Variants in HBS1L observed in about 807,000 individuals in gnomAD.
The protein encoded by HBS1L is HBS1 like translational GTPase.
Under a neutral mutation model 88.9 loss-of-function variants are expected in HBS1L, and 55 were observed. The observed-to-expected ratio is 0.62, with a 90% CI of 0.50 to 0.77. The LOEUF (loss-of-function observed/expected upper bound fraction) is 0.77, where lower values mean the gene tolerates loss of function less well. HBS1L is among the 30% of genes least tolerant of loss of function. HBS1L has a pLI of 0.00. For missense variants in HBS1L, 741 were observed against 829.3 expected, an observed-to-expected ratio of 0.89 and a Z score of 1.31; for synonymous variants, 267 against 288.5, an observed-to-expected ratio of 0.93 and a Z score of 0.76.
At chr6:135,029,825 A>G (rs1278913033) in intron 4 of HBS1L, among the ~76,000 whole-genome samples, 1 of 152,218 alleles carries the variant, frequency 6.6e-6, no homozygotes, top group Admixed American at 6.5e-5. Context: ...TGATCTGTAT[A>G]TGGCAGCAAA....
chr6:135,037,370 T>G (rs1163707994), intron 4 of HBS1L: 2 of 1,551,446 alleles, frequency 1.3e-6, no homozygotes, highest in African/African-American at 2.7e-5. Flanking sequence ...AAATTATCAT[T>G]TTTAAAAGTG....
chr6:134,978,931 A>G lies in HBS1L; in HGVS notation c.1689-144T>C, dbSNP rs138175199. On this transcript the variant is annotated intron_variant, in intron 14 of 17. Coordinates refer to ENST00000367837, the MANE Select transcript of HBS1L (RefSeq NM_006620.4). ...TAAATATTCTCTTCTGAGCTAAAGC[A>G]TGACTTTAAACCATTATTAACCTTA... The G allele has an allele frequency of 1.7e-3, 1,059 of 628,412 alleles. 5 individuals are homozygous for G. Among genetic ancestry groups the G allele is most frequent in the African/African-American group, 0.017 (916 of 54,364 alleles). The allele number at this position is 628,412 out of a possible 1,614,324, so 38.9% of individuals were successfully genotyped here.
At chr6:135,009,879 C>T (rs1460766224) in intron 4 of HBS1L, among the ~76,000 whole-genome samples, 2 of 151,990 alleles carry the variant, frequency 1.3e-5, no homozygotes, top group South Asian at 2.1e-4. Context: ...ATCCGCCCGC[C>T]TCGGCCTCCC....
chr6:135,000,836 TCA>T (rs913498349), intron 5 of HBS1L, among the ~76,000 whole-genome samples: 4 of 152,104 alleles, frequency 2.6e-5, no homozygotes, highest in Non-Finnish European at 4.4e-5. Flanking sequence ...CCACTGAGAA[TCA>T]CACTACGTAG....
intron 4 of HBS1L, among the ~76,000 whole-genome samples, chr6:135,005,448 TTATAC>T (rs1344644461): frequency 1.3e-5 from 2 of 152,262 alleles, no homozygotes; most frequent in Non-Finnish European, 2.9e-5. Flanking sequence ...ACTGGGGCTA[TTATAC>T]TACAGATGGT....
intron 8 of HBS1L, 55 bp downstream of exon 8, chr6:134,993,703 G>A: frequency 2.7e-6 from 2 of 749,870 alleles, no homozygotes. Flanking sequence ...CTCAGCATCA[G>A]AAAATTTTAT....
chr6:135,047,561 A>G (rs929652594), intron 2 of HBS1L, among the ~76,000 whole-genome samples: 2 of 152,202 alleles, frequency 1.3e-5, no homozygotes, highest in Non-Finnish European at 1.5e-5. Flanking sequence ...GGAGTCCCCA[A>G]CATTGCATTT....
At chr6:134,969,152 A>G in intron 16 of HBS1L, 86 bp downstream of exon 16, 1 of 869,176 alleles carries the variant, frequency 1.2e-6, no homozygotes, top group Admixed American at 2.0e-5. Context: ...TTCACTTACC[A>G]CAAAGAGAAA....
rs1326131182 is a variant in HBS1L, at chr6:134,965,192, A to G, written c.*87T>C. 1 of 1,073,074 alleles carries G rather than the reference A, an allele frequency of 9.3e-7. No homozygotes were observed. The highest frequency in any genetic ancestry group is 2.4e-5 in the East Asian group (1 of 42,162). The allele number at this position is 1,073,074 out of a possible 1,614,324, so 66.5% of individuals were successfully genotyped here. On this transcript the variant is annotated 3_prime_UTR_variant, in exon 18 of 18. Coordinates refer to ENST00000367837, the MANE Select transcript of HBS1L (RefSeq NM_006620.4). Reference sequence around the variant, plus strand: ...TCATCTAAAAACATATCAATTGCACATTGTTCCTTTGACTTAATAACTGCA... The same window carrying G: ...TCATCTAAAAACATATCAATTGCACGTTGTTCCTTTGACTTAATAACTGCA...
At chr6:135,015,674 C>T (rs112476323) in intron 4 of HBS1L, among the ~76,000 whole-genome samples, 5,465 of 151,232 alleles carry the variant, frequency 0.036, 339 homozygotes, top group African/African-American at 0.13. Context: ...CTCTGCCTCC[C>T]GGGTTCAAGC....
intron 2 of HBS1L, among the ~76,000 whole-genome samples, chr6:135,047,093 A>C (rs1454383161): frequency 6.6e-6 from 1 of 152,192 alleles, no homozygotes; most frequent in African/African-American, 2.4e-5. Context: ...TCAGAGTCAG[A>C]CTGTCCTGAA....
At position 134,985,527 on chromosome 6, in the gene HBS1L, A is replaced by C. The variant is rs1774955138; in HGVS notation, c.1424-118T>G. 3 of 607,118 alleles carry C rather than the reference A, an allele frequency of 4.9e-6. No individual in the cohort carries two copies. In the South Asian group the frequency reaches 7.3e-5, roughly 15 times the overall value. The allele number at this position is 607,118 out of a possible 1,614,324, so 37.6% of individuals were successfully genotyped here. On this transcript the variant is annotated intron_variant, in intron 11 of 17. Transcript: ENST00000367837. Reference sequence around the variant, plus strand: ...AAAATAACTACTTTTTATAATTACTAATAGCAACTTAACTGTCACTAATAT... The same window carrying C: ...AAAATAACTACTTTTTATAATTACTCATAGCAACTTAACTGTCACTAATAT...
intron 16 of HBS1L, 33 bp downstream of exon 16, chr6:134,969,205 G>T: frequency 7.0e-7 from 1 of 1,428,334 alleles, no homozygotes; most frequent in Non-Finnish European, 9.9e-7. Context: ...GGCTTAAATT[G>T]CTTGTTTATC....
At chr6:134,975,901 T>A (rs940382302) in intron 15 of HBS1L, among the ~76,000 whole-genome samples, 3 of 151,998 alleles carry the variant, frequency 2.0e-5, no homozygotes, top group Non-Finnish European at 4.4e-5. Context: ...GAAATAAAAA[T>A]AAATAGATAA....
At chr6:135,035,606 C>G (rs1776513577) in intron 4 of HBS1L, among the ~76,000 whole-genome samples, 1 of 151,232 alleles carries the variant, frequency 6.6e-6, no homozygotes, top group South Asian at 2.1e-4. Context: ...AAAAAATTAG[C>G]CGGGTGTGGT....
At chr6:134,997,006 C>T in intron 6 of HBS1L, 64 bp from the exon 7 acceptor site, 10 of 1,169,332 alleles carry the variant, frequency 8.6e-6, no homozygotes, top group Non-Finnish European at 1.2e-5. Context: ...TGAGGCATTG[C>T]ATAAATGTGT....
rs1355685441 is a variant in HBS1L, at chr6:134,965,083, C to T, written c.*196G>A. The T allele has an allele frequency of 1.7e-6, 1 of 588,908 alleles. No individual in the cohort carries two copies. The highest frequency in any genetic ancestry group is 3.0e-6 in the Non-Finnish European group (1 of 335,164). 36.5% of individuals were successfully genotyped at this position (588,908 alleles called of 1,614,324 possible). On this transcript the variant is annotated 3_prime_UTR_variant, in exon 18 of 18. Coordinates refer to ENST00000367837, the MANE Select transcript of HBS1L (RefSeq NM_006620.4). Reference sequence around the variant, plus strand: ...AAAGTTGTTTTTAACATTAGACTTTCTTTGCCAGTTGGCAACTTAGAATTT... The same window carrying T: ...AAAGTTGTTTTTAACATTAGACTTTTTTTGCCAGTTGGCAACTTAGAATTT...
chr6:135,002,708 G>C (rs1775497186), intron 5 of HBS1L, 26 bp downstream of exon 5: 1 of 1,158,728 alleles, frequency 8.6e-7, no homozygotes, highest in Non-Finnish European at 1.2e-6. Flanking sequence ...TGGGGGTGGG[G>C]ATGAGGGAGG....
chr6:134,967,758 G>A (rs1774356344), intron 16 of HBS1L, among the ~76,000 whole-genome samples: 1 of 152,130 alleles, frequency 6.6e-6, no homozygotes, highest in South Asian at 2.1e-4. Flanking sequence ...AACTGACTAG[G>A]TTAGAATCCT....
Sources: gnomAD v4.1 joint callset for allele counts (sites outside exome capture counted in the v4.1 genomes callset) on GRCh38, gnomAD v4.1.1 for gene constraint, MANE v1.5 for transcripts, NCBI Gene and HGNC (gene_info 2026-07-23, HGNC 2026-07-21) for gene names.